The following RGSL1 variants were observed in gnomAD, a reference collection of about 807,000 sequenced individuals.
The protein encoded by RGSL1 is regulator of G protein signaling protein-like.
Under a neutral mutation model 124.7 loss-of-function variants are expected in RGSL1, and 97 were observed. That is an observed-to-expected ratio of 0.78 (90% CI 0.66 to 0.92). RGSL1 has a LOEUF of 0.92. RGSL1 is among the 40% of genes least tolerant of loss of function. The pLI is 0.00. For missense variants in RGSL1, 1,233 were observed against 1,288.4 expected (o/e 0.96, Z 0.66); for synonymous variants, 424 against 438.1 (o/e 0.97, Z 0.40).
chr1:182,527,607 C>T lies in RGSL1; in HGVS notation c.1960C>T (p.Gln654Ter), dbSNP rs1248460253. ...CTTGACAGAAGTCCTCTTAAATACACAGCACTTGGAGTTCTTCAGGGAGTT... is the reference window on the plus strand; with the variant it reads ...CTTGACAGAAGTCCTCTTAAATACATAGCACTTGGAGTTCTTCAGGGAGTT... Reference protein sequence around the residue: ...RNLTEVLLNTQHLEFFREFLK... With the variant: ...RNLTEVLLNT Residue 654 changes from glutamine to a stop codon, truncating the protein, a stop_gained, in exon 11 of 22, where the codon CAG becomes TAG. Transcript: ENST00000294854. LOFTEE classifies it high-confidence loss of function. 1.0e-5 allele frequency: 16 copies of T among 1,550,728 alleles called. No individual in the cohort carries two copies. Among genetic ancestry groups the T allele is most frequent in the Non-Finnish European group, 1.4e-5 (16 of 1,146,612 alleles).
chr1:182,458,409 C>T lies in RGSL1; in HGVS notation c.171+16C>T. On this transcript the variant is annotated intron_variant, in intron 3 of 21. Transcript: ENST00000294854. Reference sequence around the variant, plus strand: ...TTGTAACTTGGTGAGTAAAATTCTTCAGAGGTAGAGAGTTTAGGGTGGAGA... The same window carrying T: ...TTGTAACTTGGTGAGTAAAATTCTTTAGAGGTAGAGAGTTTAGGGTGGAGA... The T allele has an allele frequency of 6.5e-7, 1 of 1,540,050 alleles. No individual in the cohort carries two copies. The highest frequency in any genetic ancestry group is 8.8e-7 in the Non-Finnish European group (1 of 1,136,284).
intron 6 of RGSL1, among the ~76,000 whole-genome samples, chr1:182,478,269 C>T (rs991108597): frequency 1.3e-5 from 2 of 151,952 alleles, no homozygotes; most frequent in Non-Finnish European, 2.9e-5. Flanking sequence ...CTTAGAGAAG[C>T]TCAATGAGTG....
rs1213777400 is a variant in RGSL1, at chr1:182,463,293, CA to C, written c.301+3178del. Among the ~76,000 whole-genome samples, 205 of 60,516 alleles carry C rather than the reference CA, an allele frequency of 3.4e-3. 1 individual carries two copies. Among genetic ancestry groups the C allele is most frequent in the South Asian group, 1.0e-2 (21 of 2,102 alleles). The allele number at this position is 60,516 out of a possible 152,430, so 39.7% of individuals were successfully genotyped here. On this transcript the variant is annotated intron_variant, in intron 4 of 21. Transcript: ENST00000294854. ...TGGGCGACAGAGCAAGACTCCATCT[CA>C]AAAAAAAAAAAAAAAAAGGAAATTA...
At position 182,530,369 on chromosome 1, in the gene RGSL1, T is replaced by A. The variant is rs374520705; in HGVS notation, c.2243+8T>A. The A allele has an allele frequency of 6.2e-5, 96 of 1,542,068 alleles. No individual in the cohort carries two copies. In the African/African-American group the frequency reaches 1.2e-3, roughly 20 times the overall value. ...ATCTATAGAAGAAAAGTGGTGAGTATACTCAATTAAGGAAAGGATTCTTCC... is the reference window on the plus strand; with the variant it reads ...ATCTATAGAAGAAAAGTGGTGAGTAAACTCAATTAAGGAAAGGATTCTTCC... On this transcript the variant is annotated splice_region_variant and intron_variant, in intron 12 of 21. Transcript: ENST00000294854.
chr1:182,548,484 C>T (rs1308171578), intron 16 of RGSL1, 29 bp downstream of exon 16: 13 of 1,549,860 alleles, frequency 8.4e-6, no homozygotes, highest in Non-Finnish European at 1.1e-5. Context: ...CCACTCTGGC[C>T]TTTCACCAAG....
At chr1:182,559,899 G>A (rs1038412406) in intron 21 of RGSL1, among the ~76,000 whole-genome samples, 2 of 152,062 alleles carry the variant, frequency 1.3e-5, no homozygotes, top group Non-Finnish European at 2.9e-5. Flanking sequence ...ATTCATGTAT[G>A]TGTCTCACCT....
chr1:182,537,392 A>G (rs1571685721), intron 14 of RGSL1, among the ~76,000 whole-genome samples: 2 of 152,354 alleles, frequency 1.3e-5, no homozygotes, highest in East Asian at 3.9e-4. Flanking sequence ...GTATATGCAC[A>G]TATTCCAAAA....
intron 6 of RGSL1, among the ~76,000 whole-genome samples, chr1:182,480,747 C>A (rs1654644468): frequency 6.6e-6 from 1 of 152,106 alleles, no homozygotes; most frequent in African/African-American, 2.4e-5. Context: ...TGAGCCACCA[C>A]GCTTGGCCAC....
intron 15 of RGSL1, among the ~76,000 whole-genome samples, chr1:182,542,452 A>C (rs1659954938): frequency 6.6e-6 from 1 of 152,074 alleles, no homozygotes; most frequent in African/African-American, 2.4e-5. Flanking sequence ...CACCATGCTG[A>C]TTTCGTTACT....
At chr1:182,540,530 T>C in intron 15 of RGSL1, 109 bp downstream of exon 15, 2 of 881,474 alleles carry the variant, frequency 2.3e-6, no homozygotes, top group Non-Finnish European at 3.2e-6. Flanking sequence ...TTCAGACCTG[T>C]CCAGTAAGAG....
chr1:182,492,779 C>A (rs1655625812), intron 8 of RGSL1, among the ~76,000 whole-genome samples: 1 of 152,000 alleles, frequency 6.6e-6, no homozygotes, highest in Admixed American at 6.6e-5. Context: ...CAGGCGCCCG[C>A]CACCATACCC....
At chr1:182,495,380 G>A (rs2102123150) in intron 9 of RGSL1, among the ~76,000 whole-genome samples, 1 of 151,544 alleles carries the variant, frequency 6.6e-6, no homozygotes, top group East Asian at 2.0e-4. Context: ...TTTTTTGGAG[G>A]GCTTTAAGAT....
chr1:182,527,612 C>T lies in RGSL1; in HGVS notation c.1965C>T (p.His655=), dbSNP rs1437172698. ...CAGAAGTCCTCTTAAATACACAGCA[C>T]TTGGAGTTCTTCAGGGAGTTCCTCA... is the stretch of plus-strand genomic sequence containing the variant. ...NLTEVLLNTQ[H]LEFFREFLKE... The change falls in exon 11 of 22, where the codon CAC becomes CAT. Residue 655 remains histidine (H), a synonymous_variant. Coordinates refer to ENST00000294854, the MANE Select transcript of RGSL1 (RefSeq NM_001137669.2). The T allele has an allele frequency of 3.9e-6, 6 of 1,551,526 alleles. No individual in the cohort carries two copies.
chr1:182,465,045 C>T (rs1295431059), intron 4 of RGSL1, among the ~76,000 whole-genome samples: 1 of 147,398 alleles, frequency 6.8e-6, no homozygotes, highest in East Asian at 1.9e-4. Context: ...CCACTGCACT[C>T]CAGCCTAGGT....
intron 9 of RGSL1, among the ~76,000 whole-genome samples, chr1:182,498,294 T>C (rs1450181754): frequency 2.2e-5 from 1 of 45,488 alleles, no homozygotes; most frequent in East Asian, 4.5e-4. Flanking sequence ...CTCTTGAGCA[T>C]GCTCTTGCTT....
At chr1:182,528,013 C>G in intron 11 of RGSL1, among the ~76,000 whole-genome samples, 1 of 152,106 alleles carries the variant, frequency 6.6e-6, no homozygotes, top group Non-Finnish European at 1.5e-5. Flanking sequence ...ATGCCTAAGA[C>G]TGGGTAATTT....
chr1:182,496,103 G>T (rs1655891028), intron 9 of RGSL1, among the ~76,000 whole-genome samples: 6 of 152,030 alleles, frequency 3.9e-5, no homozygotes, highest in Non-Finnish European at 8.8e-5. Flanking sequence ...TGGCTTCTGG[G>T]GAGGCCTCAG....
chr1:182,450,431 T>C (rs1353916510), intron 1 of RGSL1: 16 of 559,608 alleles, frequency 2.9e-5, no homozygotes, highest in Non-Finnish European at 3.5e-5. Flanking sequence ...AAAATGTGGA[T>C]TGGGCCACCT....
At chr1:182,470,496 C>T (rs868818106) in intron 4 of RGSL1, among the ~76,000 whole-genome samples, 5 of 152,122 alleles carry the variant, frequency 3.3e-5, no homozygotes, top group African/African-American at 7.2e-5. Context: ...ATGCTCTTTC[C>T]GTAGATACTC....
Sources: allele counts gnomAD v4.1 joint callset (sites outside exome capture counted in the v4.1 genomes callset), GRCh38; gene constraint gnomAD v4.1.1; transcripts MANE v1.5; gene names NCBI Gene and HGNC (gene_info 2026-07-23, HGNC 2026-07-21).